The following SLAMF1 variants were observed in gnomAD, a reference collection of about 807,000 sequenced individuals.
SLAMF1 encodes the protein signaling lymphocytic activation molecule family member 1.
A neutral mutation model predicts 35.1 loss-of-function variants in SLAMF1; 18 were observed. The ratio of observed to expected loss-of-function variants is 0.51; its 90% CI spans 0.35 to 0.76. The LOEUF is 0.76. Ranked by LOEUF, SLAMF1 falls within the 30% of genes least tolerant of loss-of-function variation. The probability of loss-of-function intolerance (pLI) is 0.01; values close to 1 mark genes in which losing one functional copy is unlikely to be tolerated. For missense variants in SLAMF1, 392 were observed against 413.0 expected (o/e 0.95, Z 0.44); for synonymous variants, 168 against 157.2 (o/e 1.07, Z -0.51).
intron 1 of SLAMF1, 40 bp from the exon 2 acceptor site, chr1:160,637,569 C>A (rs1210996252): frequency 2.1e-6 from 3 of 1,402,670 alleles, no homozygotes; most frequent in African/African-American, 2.8e-5. Context: ...ATTATTAAGG[C>A]CTTTAGACAA....
At chr1:160,618,756 G>A (rs1659447373) in intron 5 of SLAMF1, among the ~76,000 whole-genome samples, 1 of 152,164 alleles carries the variant, frequency 6.6e-6, no homozygotes, top group Non-Finnish European at 1.5e-5. Flanking sequence ...CAGTAAAAAA[G>A]AGGGATGCTA....
At chr1:160,615,838 A>G in intron 5 of SLAMF1, 2 of 217,600 alleles carry the variant, frequency 9.2e-6, no homozygotes, top group Non-Finnish European at 1.9e-5. Context: ...AAAATTGCAG[A>G]TACACAACTA....
chr1:160,618,184 T>G (rs1018559593), intron 5 of SLAMF1, among the ~76,000 whole-genome samples: 1 of 152,182 alleles, frequency 6.6e-6, no homozygotes, highest in African/African-American at 2.4e-5. Flanking sequence ...TTTGTGGTAC[T>G]TGATAAGTTG....
intron 1 of SLAMF1, among the ~76,000 whole-genome samples, chr1:160,640,389 C>T (rs1343764923): frequency 8.8e-5 from 12 of 136,048 alleles, no homozygotes; most frequent in East Asian, 2.2e-4. Flanking sequence ...TATATATATA[C>T]ACACACACAT....
At chr1:160,613,657 A>C (rs950922884) in intron 5 of SLAMF1, among the ~76,000 whole-genome samples, 8 of 152,220 alleles carry the variant, frequency 5.3e-5, no homozygotes, top group Non-Finnish European at 1.2e-4. Flanking sequence ...AAAACTTGGA[A>C]TTTTGTCATG....
chr1:160,611,737 A>T (rs953427252), intron 6 of SLAMF1, among the ~76,000 whole-genome samples: 9 of 152,166 alleles, frequency 5.9e-5, no homozygotes, highest in African/African-American at 2.2e-4. Flanking sequence ...GCTGCACCCC[A>T]TATTCTCTTC....
chr1:160,618,223 G>A (rs1259963856), intron 5 of SLAMF1, among the ~76,000 whole-genome samples: 1 of 151,982 alleles, frequency 6.6e-6, no homozygotes, highest in East Asian at 1.9e-4. Context: ...AAGTATAAAG[G>A]AACAAGAATA....
Position 160,634,784 on chromosome 1 carries a change from T to A in SLAMF1, c.529A>T (p.Ser177Cys), listed in dbSNP as rs1398682552. 4 of 1,614,144 alleles carry A rather than the reference T, an allele frequency of 2.5e-6. No individual in the cohort carries two copies. In the Admixed American group the frequency reaches 6.7e-5, roughly 27 times the overall value. ...EKGDHVAYSW[S>C]EKAGTHPLNP... is the part of the protein sequence containing the mutation. ...AGTGGGTGGGTGCCCGCCTTTTCAC[T>A]CCAGCTGTAAGCCACATGGTCCCCC... Residue 177 changes from serine to cysteine, a missense_variant, in exon 3 of 7, where the codon AGT becomes TGT. Coordinates refer to ENST00000302035, the MANE Select transcript of SLAMF1 (RefSeq NM_003037.5).
chr1:160,640,233 A>G (rs1029919713), intron 1 of SLAMF1, among the ~76,000 whole-genome samples: 1 of 150,756 alleles, frequency 6.6e-6, no homozygotes, highest in African/African-American at 2.4e-5. Flanking sequence ...TGCTTAGTAT[A>G]TAGGAGGCAT....
At chr1:160,645,525 G>C (rs1660995581) in intron 1 of SLAMF1, among the ~76,000 whole-genome samples, 1 of 152,180 alleles carries the variant, frequency 6.6e-6, no homozygotes, top group African/African-American at 2.4e-5. Context: ...TGGCCAAGAG[G>C]CTAGCAAGCA....
At chr1:160,611,589 C>G (rs1003873205) in intron 6 of SLAMF1, among the ~76,000 whole-genome samples, 1 of 152,138 alleles carries the variant, frequency 6.6e-6, no homozygotes, top group Admixed American at 6.5e-5. Context: ...GGGCTCTCTT[C>G]TGAAAGAGCC....
At chr1:160,627,823 T>C (rs1659958456) in intron 3 of SLAMF1, among the ~76,000 whole-genome samples, 2 of 152,122 alleles carry the variant, frequency 1.3e-5, no homozygotes, top group South Asian at 4.1e-4. Context: ...AGTGATATGG[T>C]TTGGCCACGC....
intron 4 of SLAMF1, among the ~76,000 whole-genome samples, chr1:160,623,131 C>T (rs1271047381): frequency 3.3e-5 from 5 of 151,994 alleles, no homozygotes; most frequent in Admixed American, 6.6e-5. Context: ...AAGAGTATGG[C>T]GTAGGATCCC....
At chr1:160,636,575 T>C (rs1426077568) in intron 2 of SLAMF1, among the ~76,000 whole-genome samples, 5 of 152,208 alleles carry the variant, frequency 3.3e-5, no homozygotes, top group Non-Finnish European at 7.3e-5. Context: ...GTGGACTTGG[T>C]TCCTAGTTTA....
intron 3 of SLAMF1, chr1:160,634,370 G>A (rs1660315429): frequency 2.0e-6 from 2 of 982,896 alleles, no homozygotes; most frequent in South Asian, 4.7e-5. Flanking sequence ...GGAGACTTAG[G>A]CTCTGGGTCT....
At chr1:160,631,528 A>G (rs894662681) in intron 3 of SLAMF1, among the ~76,000 whole-genome samples, 1 of 152,208 alleles carries the variant, frequency 6.6e-6, no homozygotes, top group Non-Finnish European at 1.5e-5. Context: ...AGGACCTCAG[A>G]ATATGACCGT....
At position 160,625,886 on chromosome 1, in the gene SLAMF1, A is replaced by G. The variant is rs148933101; in HGVS notation, c.701-1701T>C. On this transcript the variant is annotated intron_variant, in intron 3 of 6. Coordinates refer to ENST00000302035, the MANE Select transcript of SLAMF1 (RefSeq NM_003037.5). ...GTATGTGTGTGTTTGAGACAGATTG[A>G]TTCATTCAAGGTTTATGATATCGAC... 2.4e-4 allele frequency among the ~76,000 whole-genome samples: 36 copies of G among 151,574 alleles called. No individual in the cohort carries two copies. In the East Asian group the frequency reaches 6.2e-3, roughly 26 times the overall value.
At position 160,608,212 on chromosome 1, in the gene SLAMF1, G is replaced by A. The variant is rs6427538; in HGVS notation, c.*2536C>T. The A allele has an allele frequency of 0.044, 6,700 of 152,158 alleles. 257 individuals are homozygous for A. The highest frequency in any genetic ancestry group is 0.097 in the African/African-American group (4,028 of 41,500). 9.4% of individuals were successfully genotyped at this position (152,158 alleles called of 1,614,324 possible). ...GCTTCTCAGCCAGCACACACCACCC[G>A]CTGTAACAATCACATCCCCGCTGTG... is the stretch of plus-strand genomic sequence containing the variant. On this transcript the variant is annotated 3_prime_UTR_variant, in exon 7 of 7. Transcript: ENST00000302035.
chr1:160,616,245 G>T (rs1659294447), intron 5 of SLAMF1, among the ~76,000 whole-genome samples: 1 of 152,096 alleles, frequency 6.6e-6, no homozygotes, highest in Non-Finnish European at 1.5e-5. Flanking sequence ...TCAATCTGAG[G>T]CTTGTGATTA....
Sources: allele counts gnomAD v4.1 joint callset (sites outside exome capture counted in the v4.1 genomes callset), GRCh38; gene constraint gnomAD v4.1.1; transcripts MANE v1.5; gene names NCBI Gene and HGNC (gene_info 2026-07-23, HGNC 2026-07-21).